The following UNC13D variants were observed in gnomAD, a reference collection of about 807,000 sequenced individuals.
UNC13D encodes the protein protein unc-13 homolog D.
A neutral mutation model predicts 151.7 loss-of-function variants in UNC13D; 115 were observed. That is an observed-to-expected ratio of 0.76 (90% CI 0.65 to 0.88). The LOEUF is 0.88. UNC13D is among the 40% of genes least tolerant of loss of function. The probability of loss-of-function intolerance (pLI) is 0.00; values close to 1 mark genes in which losing one functional copy is unlikely to be tolerated. For missense variants in UNC13D, 1,369 were observed against 1,438.7 expected (o/e 0.95, Z 0.78); for synonymous variants, 588 against 612.2 (o/e 0.96, Z 0.58).
intron 6 of UNC13D, among the ~76,000 whole-genome samples, chr17:75,841,335 G>A (rs1016026708): frequency 1.3e-5 from 2 of 151,476 alleles, no homozygotes; most frequent in African/African-American, 4.9e-5. Context: ...AGTAGAGACG[G>A]GGTTTCACTG....
Position 75,834,432 on chromosome 17 carries a change from C to T in UNC13D, c.2191G>A (p.Val731Met), listed in dbSNP as rs377549461. 156 of 1,568,842 alleles carry T rather than the reference C, an allele frequency of 9.9e-5. No homozygotes were observed. Among genetic ancestry groups the T allele is most frequent in the Admixed American group, 2.0e-4 (11 of 54,280 alleles). Residue 731 changes from valine (V) to methionine (M), a missense_variant, in exon 23 of 32, where the codon GTG becomes ATG. Val to Met is a conservative substitution (Grantham distance 21). Around this residue, in one of 3 missense-constraint regions of UNC13D, gnomAD observed 807 missense variants for 795.5 expected, o/e 1.01. Transcript: ENST00000207549. ...WEALEQRVGA[V>M]LEQGQLQNTL... ...TTCTGCAGCTGCCCCTGCTCCAGCA[C>T]GGCCCCTACCCGCTGCTCCAGGGCC... is the stretch of plus-strand genomic sequence containing the variant.
chr17:75,833,060 G>A lies in UNC13D; in HGVS notation c.2368-15C>T, dbSNP rs1002508502. 3 of 1,598,974 alleles carry A rather than the reference G, an allele frequency of 1.9e-6. No homozygotes were observed. The highest frequency in any genetic ancestry group is 2.6e-6 in the Non-Finnish European group (3 of 1,173,840). ...GGCAGAATGGCCTGGGGAGGGAGAT[G>A]GGGAGCAGGTGTGGCTCCGGCCCAT... is the stretch of plus-strand genomic sequence containing the variant. On this transcript the variant is annotated splice_polypyrimidine_tract_variant and intron_variant, in intron 24 of 31. Transcript: ENST00000207549. This position sits in a 1 kb window ranked among gnomAD's most constrained non-coding sequence, Gnocchi z 4.0.
chr17:75,830,690 C>T (rs2064865934), intron 27 of UNC13D, 29 bp from the exon 28 acceptor site: 1 of 1,553,276 alleles, frequency 6.4e-7, no homozygotes, highest in East Asian at 2.4e-5. Flanking sequence ...GAGGATCCAC[C>T]TGGACTGCAC....
In UNC13D at chr17:75,831,626, G is replaced by A. The variant is rs988546966; in HGVS notation, c.2448-278C>T. On this transcript the variant is annotated intron_variant, in intron 25 of 31. Transcript: ENST00000207549. The stretch of plus-strand genomic sequence containing the variant: ...ACTAACGGAATGCACAAACAAGGCT[G>A]GAGACAGGGAGGAGGCCAGGCCCCC... The A allele has an allele frequency of 1.3e-4, 68 of 504,468 alleles. 1 individual carries two copies. Among genetic ancestry groups the A allele is most frequent in the Non-Finnish European group, 2.2e-4 (62 of 278,886 alleles). The allele number at this position is 504,468 out of a possible 1,614,324, so 31.2% of individuals were successfully genotyped here.
chr17:75,834,860 G>C, intron 21 of UNC13D, 60 bp downstream of exon 21: 2 of 1,613,230 alleles, frequency 1.2e-6, no homozygotes, highest in South Asian at 2.2e-5. Context: ...CGGGAGAAAC[G>C]GTGGGTGGTA....
rs1045585144 is a variant in UNC13D at position 75,830,561 on chromosome 17, C to A, written c.2709+17G>T. On this transcript the variant is annotated intron_variant, in intron 28 of 31. Coordinates refer to ENST00000207549, the MANE Select transcript of UNC13D (RefSeq NM_199242.3). ...TCCAGGGCCTGCAGAGGGCGCAGTG[C>A]GAGGGAGGGGCCTCACCTGCTGCTG... is the stretch of plus-strand genomic sequence containing the variant. 5 of 1,566,082 alleles carry A rather than the reference C, an allele frequency of 3.2e-6. No homozygotes were observed. In the Admixed American group the frequency reaches 5.7e-5, roughly 18 times the overall value.
Position 75,835,548 on chromosome 17 carries a change from C to T in UNC13D, c.1728-19G>A. 6.2e-7 allele frequency: 1 copy of T among 1,600,290 alleles called. No homozygotes were observed. On this transcript the variant is annotated intron_variant, in intron 19 of 31. Transcript: ENST00000207549. ...TCCATCCCTGGGGATTGCCGGGGCT[C>T]AGCGTCGGGAAGGCTGGGGCCACCA... is the stretch of plus-strand genomic sequence containing the variant.
chr17:75,843,796 T>C, intron 1 of UNC13D: 2 of 1,395,114 alleles, frequency 1.4e-6, no homozygotes, highest in Non-Finnish European at 1.9e-6. Flanking sequence ...CAGCTCTGCT[T>C]ATCAGTGGCG....
intron 25 of UNC13D, 45 bp from the exon 26 acceptor site, chr17:75,831,393 TGGCGGAGGAGG>T (rs2064871898): frequency 6.4e-7 from 1 of 1,565,404 alleles, no homozygotes; most frequent in African/African-American, 1.4e-5. Flanking sequence ...GGCAGGGCGG[TGGCGGAGGAGG>T]AAGCAAAGAC....
intron 31 of UNC13D, 33 bp downstream of exon 31, chr17:75,828,754 C>A: frequency 6.7e-7 from 1 of 1,500,234 alleles, no homozygotes; most frequent in South Asian, 1.2e-5. Context: ...AGGCTCCCGT[C>A]CCCGCACCAC....
intron 12 of UNC13D, among the ~76,000 whole-genome samples, chr17:75,837,955 G>A (rs1466859470): frequency 6.6e-6 from 1 of 152,078 alleles, no homozygotes; most frequent in East Asian, 1.9e-4. Flanking sequence ...GCAGCCACCT[G>A]CATTACTGTG....
intron 12 of UNC13D, among the ~76,000 whole-genome samples, chr17:75,838,901 C>G (rs1303092759): frequency 1.3e-5 from 2 of 151,634 alleles, no homozygotes; most frequent in South Asian, 2.1e-4. Context: ...GAGATCGAGA[C>G]CATCCTGGCT....
In UNC13D at chr17:75,833,118, T is replaced by C; in HGVS notation, c.2368-73A>G. On this transcript the variant is annotated intron_variant, in intron 24 of 31. Coordinates refer to ENST00000207549, the MANE Select transcript of UNC13D (RefSeq NM_199242.3). The surrounding 1 kb of genome is among the most constrained non-coding windows in gnomAD (Gnocchi z 4.0). ...CCACCCCCATCCCCTTCCCCTGACCTGGAGGGAGGAAACAGGGCTGGGAAC... is the reference window on the plus strand; with the variant it reads ...CCACCCCCATCCCCTTCCCCTGACCCGGAGGGAGGAAACAGGGCTGGGAAC... 2 of 1,459,320 alleles carry C rather than the reference T, an allele frequency of 1.4e-6. No homozygotes were observed. The highest frequency in any genetic ancestry group is 4.0e-5 in the Admixed American group (2 of 50,598). The allele number at this position is 1,459,320 out of a possible 1,614,324, so 90.4% of individuals were successfully genotyped here. A position where few individuals can be genotyped will look rare whatever the true frequency, so the allele number is the denominator to read the frequency against.
chr17:75,841,750 A>ATT (rs1212805297), intron 6 of UNC13D, among the ~76,000 whole-genome samples: 47 of 111,344 alleles, frequency 4.2e-4, no homozygotes, highest in African/African-American at 1.0e-3. Context: ...GCCCCCACTA[A>ATT]TTTTTTTTTT....
rs1225096342 is a variant in UNC13D at position 75,834,504 on chromosome 17, G to C, written c.2119C>G (p.Gln707Glu). Reference protein sequence around the residue: ...MLCVVVNDMEQLRLVIGKLPA... With the variant: ...MLCVVVNDMEELRLVIGKLPA... ...AACTTGCCGATCACCAGCCGCAGCTGCTCCATGTCATTCACCACCACACAC... is the reference window on the plus strand; with the variant it reads ...AACTTGCCGATCACCAGCCGCAGCTCCTCCATGTCATTCACCACCACACAC... Residue 707 changes from glutamine to glutamate, a missense_variant, in exon 23 of 32, where the codon CAG becomes GAG. By Grantham distance (29) the Gln-to-Glu change is conservative (BLOSUM62 2). This residue lies in a region of UNC13D where 807 missense variants were observed against 795.5 expected (regional missense o/e 1.01). Coordinates refer to ENST00000207549, the MANE Select transcript of UNC13D (RefSeq NM_199242.3). 1 of 1,580,454 alleles carries C rather than the reference G, an allele frequency of 6.3e-7. No individual in the cohort carries two copies.
At position 75,843,104 on chromosome 17, in the gene UNC13D, G is replaced by T. The variant is rs371919996; in HGVS notation, c.262-31C>A. 7 of 1,608,166 alleles carry T rather than the reference G, an allele frequency of 4.4e-6. No individual in the cohort carries two copies. The African/African-American group carries it at 8.0e-5, about 18-fold the overall frequency. ...GGGGAGGCAGGCGGGTGGGTGGCTG[G>T]GGGCACCAGACAGGGCAGCTGCAGG... On this transcript the variant is annotated intron_variant, in intron 3 of 31. Transcript: ENST00000207549.
rs533281672 is a variant in UNC13D, at chr17:75,827,979, G to T, written c.3259C>A (p.Arg1087=). 3 of 1,604,956 alleles carry T rather than the reference G, an allele frequency of 1.9e-6. No individual in the cohort carries two copies. The highest frequency in any genetic ancestry group is 2.2e-5 in the East Asian group (1 of 44,446). The change falls in exon 32 of 32, where the codon CGG becomes AGG. Residue 1087 remains arginine (R), a synonymous_variant. Coordinates refer to ENST00000207549, the MANE Select transcript of UNC13D (RefSeq NM_199242.3). Reference sequence around the variant, plus strand: ...AACCTCTACGGCTACGGTGCCGGCCGCAAGGCATGCTGGGAGGCCTGCTTG... The same window carrying T: ...AACCTCTACGGCTACGGTGCCGGCCTCAAGGCATGCTGGGAGGCCTGCTTG... ...RAKQASQHAL[R]PAP is the part of the protein sequence containing the mutation.
At chr17:75,841,347 G>T (rs575546594) in intron 6 of UNC13D, among the ~76,000 whole-genome samples, 1 of 151,284 alleles carries the variant, frequency 6.6e-6, no homozygotes, top group South Asian at 2.1e-4. Flanking sequence ...GTTTCACTGT[G>T]TTGGCCACAC....
Position 75,842,485 on chromosome 17 carries a change from T to C in UNC13D, c.517A>G (p.Thr173Ala). The C allele has an allele frequency of 6.2e-7, 1 of 1,613,432 alleles. No individual in the cohort carries two copies. The highest frequency in any genetic ancestry group is 8.5e-7 in the Non-Finnish European group (1 of 1,179,974). ...TTGAGTGTCTGGGTGATGACCTGCG[T>C]GCGGTGGGTCTCCTCCTCGGGGATG... ...HTIPEEETHR[T>A]QVITQTLNPV... The change falls in exon 6 of 32, where the codon ACG (threonine) becomes GCG (alanine). Residue 173 changes from threonine (T) to alanine (A), a missense_variant. Physicochemically the swap from Thr to Ala is moderately conservative, Grantham distance 58. Transcript: ENST00000207549.
Sources: gnomAD v4.1 joint callset for allele counts (sites outside exome capture counted in the v4.1 genomes callset) on GRCh38, gnomAD v4.1.1 for gene constraint, gnomAD v4.1.1 regional missense constraint, Gnocchi (gnomAD v3.1) non-coding constraint, MANE v1.5 for transcripts, NCBI Gene and HGNC (gene_info 2026-07-23, HGNC 2026-07-21) for gene names.